TMEM253: variants seen among roughly 807,000 people sequenced by gnomAD.
TMEM253 encodes transmembrane protein C14orf176.
In TMEM253, 22 loss-of-function variants were observed where a neutral mutation model predicts 20.3. That is an observed-to-expected ratio of 1.08 (90% CI 0.78 to 1.55). The LOEUF (loss-of-function observed/expected upper bound fraction) is 1.55, where lower values mean the gene tolerates loss of function less well. TMEM253 is among the 40% of genes most tolerant of loss of function. TMEM253 has a pLI of 0.00. For missense variants in TMEM253, 251 were observed against 266.1 expected, an observed-to-expected ratio of 0.94 and a Z score of 0.39; for synonymous variants, 92 against 102.6, an observed-to-expected ratio of 0.90 and a Z score of 0.62.
chr14:21,103,303 A>C, exon 7 of TMEM253: 3 of 1,533,866 alleles, frequency 2.0e-6, no homozygotes, highest in Non-Finnish European at 2.6e-6. Context: ...CACCAAACTC[A>C]GAAGCTTGCT....
upstream of TMEM253, chr14:21,100,970 C>T (rs1268502942): frequency 5.6e-6 from 1 of 178,516 alleles, no homozygotes; most frequent in Non-Finnish European, 1.2e-5. Context: ...TGAGGTCGGG[C>T]TAGACATCTT....
At chr14:21,101,975 A>C (rs754712981) in exon 3 of TMEM253, 1 of 1,551,526 alleles carries the variant, frequency 6.4e-7, no homozygotes, top group South Asian at 1.2e-5. Context: ...CTGGAGCCTC[A>C]GTAAGACCCA....
chr14:21,103,311 G>T (rs1025470542), exon 7 of TMEM253: 6 of 1,526,134 alleles, frequency 3.9e-6, no homozygotes, highest in Non-Finnish European at 5.3e-6. Context: ...TCAGAAGCTT[G>T]CTGGGATCCT....
exon 2 of TMEM253, chr14:21,101,417 G>C: frequency 6.4e-7 from 1 of 1,551,622 alleles, no homozygotes; most frequent in South Asian, 1.2e-5. Context: ...CACTGGGCAA[G>C]GCACAGGCAG....
chr14:21,103,034 A>G (rs1889745583), intron 6 of TMEM253, 105 bp from the exon 7 acceptor site: 2 of 1,528,384 alleles, frequency 1.3e-6, no homozygotes, highest in Admixed American at 2.0e-5. Flanking sequence ...TGGCAGGACT[A>G]TGGGAAACAG....
exon 7 of TMEM253, chr14:21,103,442 C>A: frequency 2.1e-6 from 2 of 973,060 alleles, no homozygotes; most frequent in African/African-American, 1.6e-5. Flanking sequence ...CCTCACCACC[C>A]TGAAAAGCTG....
rs1252796681 is a variant in TMEM253 at position 21,103,192 on chromosome 14, C to T, written c.588C>T (p.Ala196=). The change falls in exon 7 of 7, where the codon GCC becomes GCT. Residue 196 remains alanine, a synonymous_variant. Coordinates refer to ENST00000556585, the Ensembl canonical transcript of TMEM253. ...GTTTGGAGAATGGTCCCACGGTGGC[C>T]AGCACAGGAGCAAATGAGAGGGTGG... The T allele has an allele frequency of 3.2e-6, 5 of 1,551,530 alleles. No homozygotes were observed. The African/African-American group carries it at 6.8e-5, about 21-fold the overall frequency.
At chr14:21,101,150 G>C in exon 1 of TMEM253, 2 of 508,628 alleles carry the variant, frequency 3.9e-6, no homozygotes, top group South Asian at 2.1e-5. Flanking sequence ...GACCCAGCTG[G>C]GTCCCATCCC....
chr14:21,101,763 C>T, intron 2 of TMEM253, 102 bp from the exon 3 acceptor site: 1 of 914,676 alleles, frequency 1.1e-6, no homozygotes. Context: ...TTTCCTCCAC[C>T]CTGCATTCAA....
exon 7 of TMEM253, chr14:21,103,552 C>A: frequency 2.8e-6 from 1 of 359,942 alleles, no homozygotes; most frequent in Non-Finnish European, 5.1e-6. Flanking sequence ...TTTCATAATC[C>A]CATCCACTCC....
exon 2 of TMEM253, chr14:21,101,349 A>G (rs1361918577): frequency 1.3e-6 from 2 of 1,551,508 alleles, no homozygotes; most frequent in Middle Eastern, 1.7e-4. Context: ...GAGCCATGGA[A>G]GATAGAGCTG....
At chr14:21,101,390 G>A (rs1288167539) in exon 2 of TMEM253, 36 of 1,551,556 alleles carry the variant, frequency 2.3e-5, no homozygotes, top group South Asian at 1.2e-4. Context: ...CACAGCCTTC[G>A]TCTGGAAAAG....
chr14:21,101,899 C>T, exon 3 of TMEM253: 1 of 1,551,568 alleles, frequency 6.4e-7, no homozygotes, highest in Non-Finnish European at 8.7e-7. Flanking sequence ...GTTGTGGTGC[C>T]CCTTGCTGTC....
intron 5 of TMEM253, 47 bp from the exon 6 acceptor site, chr14:21,102,586 G>A (rs1037002911): frequency 1.9e-6 from 3 of 1,550,914 alleles, no homozygotes; most frequent in African/African-American, 1.4e-5. Flanking sequence ...AAGGGCAGGG[G>A]CAAACAGGTG....
At chr14:21,101,526 C>T in intron 2 of TMEM253, 75 bp downstream of exon 2, 2 of 1,368,616 alleles carry the variant, frequency 1.5e-6, no homozygotes, top group Non-Finnish European at 2.0e-6. Flanking sequence ...ATCCATCCAT[C>T]CATGTTAAGT....
At chr14:21,103,202 G>C in exon 7 of TMEM253, 1 of 1,551,682 alleles carries the variant, frequency 6.4e-7, no homozygotes, top group Non-Finnish European at 8.7e-7. Context: ...CAGCACAGGA[G>C]CAAATGAGAG....
At chr14:21,102,691 T>C in exon 6 of TMEM253, 1 of 1,551,628 alleles carries the variant, frequency 6.4e-7, no homozygotes, top group South Asian at 1.2e-5. Flanking sequence ...GGGGGAGTGC[T>C]GGTCTCAGTG....
Position 21,101,291 on chromosome 14 carries a change from T to A in TMEM253, c.-36-17T>A. On this transcript the variant is annotated splice_polypyrimidine_tract_variant and intron_variant, in intron 1 of 6. Transcript: ENST00000556585. Reference sequence around the variant, plus strand: ...CCTGTCTCCTAATAGACAGAACCTATAACGCATTTTTCCCAGCCTAGGAAG... The same window carrying A: ...CCTGTCTCCTAATAGACAGAACCTAAAACGCATTTTTCCCAGCCTAGGAAG... 2 of 1,502,378 alleles carry A rather than the reference T, an allele frequency of 1.3e-6. No homozygotes were observed. Among genetic ancestry groups the A allele is most frequent in the South Asian group, 2.4e-5 (2 of 82,726 alleles). The allele number at this position is 1,502,378 out of a possible 1,614,324, so 93.1% of individuals were successfully genotyped here.
chr14:21,103,404 G>A (rs780649914), exon 7 of TMEM253: 1 of 1,317,296 alleles, frequency 7.6e-7, no homozygotes, highest in Non-Finnish European at 1.0e-6. Flanking sequence ...GTTAGGGGAA[G>A]ATACACCTGG....
Sources: allele counts gnomAD v4.1 joint callset, GRCh38; gene constraint gnomAD v4.1.1; transcripts MANE v1.5; gene names NCBI Gene and HGNC (gene_info 2026-07-23, HGNC 2026-07-21).